Variants in BAG6 observed in about 807,000 individuals in gnomAD.
The protein encoded by BAG6 is large proline-rich protein BAG6.
Under a neutral mutation model 121.0 loss-of-function variants are expected in BAG6, and 22 were observed. That is an observed-to-expected ratio of 0.18 (90% confidence interval 0.13 to 0.26). BAG6 has a LOEUF of 0.26. BAG6 is among the 10% of genes least tolerant of loss of function. The probability of loss-of-function intolerance (pLI) is 1.00; values close to 1 mark genes in which losing one functional copy is unlikely to be tolerated. For missense variants in BAG6, 1,233 were observed against 1,537.7 expected (o/e 0.80, Z 3.31); for synonymous variants, 583 against 584.6 (o/e 1.00, Z 0.04).
chr6:31,640,323 A>G lies in BAG6; in HGVS notation c.3139-17T>C, dbSNP rs747295314. 5.6e-6 allele frequency: 9 copies of G among 1,614,162 alleles called. No individual in the cohort carries two copies. The highest frequency in any genetic ancestry group is 1.7e-6 in the Non-Finnish European group (2 of 1,180,020). On this transcript the variant is annotated splice_polypyrimidine_tract_variant and intron_variant, in intron 23 of 25. Coordinates refer to ENST00000676615, the MANE Select transcript of BAG6 (RefSeq NM_001387994.1). The surrounding 1 kb of genome is among the most constrained non-coding windows in gnomAD (Gnocchi z 4.2). ...GACCCATTCCTGGGGAGGAAAAGAGAAAATAGTAATGTCCTTGACTTTCAG... is the reference window on the plus strand; with the variant it reads ...GACCCATTCCTGGGGAGGAAAAGAGGAAATAGTAATGTCCTTGACTTTCAG...
intron 25 of BAG6, 79 bp downstream of exon 25, chr6:31,639,421 C>G: frequency 6.4e-7 from 1 of 1,554,746 alleles, no homozygotes; most frequent in Non-Finnish European, 8.7e-7. Flanking sequence ...ACCAGTTCAT[C>G]GCTGAAGGGA....
rs780216426 is a variant in BAG6, at chr6:31,647,832, G to A, written c.553-6C>T. ...GGTTGGGGCCCTCCTCGACACTGAA[G>A]GTAGGGGAGAGTCAGGATACCAAAG... is the stretch of plus-strand genomic sequence containing the variant. On this transcript the variant is annotated splice_polypyrimidine_tract_variant and splice_region_variant and intron_variant, in intron 6 of 25. Coordinates refer to ENST00000676615, the MANE Select transcript of BAG6 (RefSeq NM_001387994.1). 5.9e-6 allele frequency: 9 copies of A among 1,530,314 alleles called. No homozygotes were observed. The highest frequency in any genetic ancestry group is 7.9e-6 in the Non-Finnish European group (9 of 1,143,294). 94.8% of individuals were successfully genotyped at this position (1,530,314 alleles called of 1,614,324 possible).
intron 1 of BAG6, 175 bp downstream of exon 1, chr6:31,652,249 G>A: frequency 6.2e-6 from 1 of 162,252 alleles, no homozygotes; most frequent in Non-Finnish European, 1.4e-5. Flanking sequence ...CGACAGACCT[G>A]CTAGCTGACT....
Position 31,644,229 on chromosome 6 carries a change from T to A in BAG6, c.1556-35A>T. 1 of 1,594,074 alleles carries A rather than the reference T, an allele frequency of 6.3e-7. No homozygotes were observed. Among genetic ancestry groups the A allele is most frequent in the Non-Finnish European group, 8.5e-7 (1 of 1,170,678 alleles). ...GCAGAAGAGACAGACCGAAGAGGGC[T>A]GAGGGCCAGGCCCTTGCCAGCCAGC... On this transcript the variant is annotated intron_variant, in intron 12 of 25. Transcript: ENST00000676615. This position sits in a 1 kb window ranked among gnomAD's most constrained non-coding sequence, Gnocchi z 4.9.
chr6:31,643,125 A>G lies in BAG6; in HGVS notation c.1757-10T>C. On this transcript the variant is annotated splice_polypyrimidine_tract_variant and intron_variant, in intron 14 of 25. Transcript: ENST00000676615. ...CCTGGGGTCCCCTGAGCTGTAAGAA[A>G]CCAAAAAAAGAAAGCTGGGCTGAGC... 1 of 1,549,844 alleles carries G rather than the reference A, an allele frequency of 6.5e-7. No homozygotes were observed. Among genetic ancestry groups the G allele is most frequent in the Non-Finnish European group, 8.6e-7 (1 of 1,157,788 alleles).
chr6:31,650,220 T>C (rs777552866), intron 2 of BAG6, among the ~76,000 whole-genome samples: 9 of 150,838 alleles, frequency 6.0e-5, no homozygotes, highest in Non-Finnish European at 1.2e-4. Context: ...TCCAAGGGAG[T>C]ATGTGTCTAG....
Position 31,644,391 on chromosome 6 carries a change from A to AGG in BAG6, c.1469_1470dup (p.Ser491ProfsTer44). 6.4e-7 allele frequency: 1 copy of AGG among 1,551,896 alleles called. No individual in the cohort carries two copies. The highest frequency in any genetic ancestry group is 2.0e-5 in the Admixed American group (1 of 51,016). On this transcript the variant is annotated frameshift_variant, in exon 12 of 26. Transcript: ENST00000676615. LOFTEE classifies it high-confidence loss of function. The surrounding 1 kb of genome is among the most constrained non-coding windows in gnomAD (Gnocchi z 4.9). The stretch of plus-strand genomic sequence containing the variant: ...GCGTGCATGAACTCAGGGGGCAGGG[A>AGG]GGGCAGCTGGATGAGGGTGGAGCCT...
chr6:31,647,677 C>T lies in BAG6; in HGVS notation c.702G>A (p.Glu234=). Residue 234 remains glutamate, a synonymous_variant, in exon 7 of 26, where the codon GAG becomes GAA. Transcript: ENST00000676615. The stretch of plus-strand genomic sequence containing the variant: ...CCGGGTTCTGGGCTGGGGCACGCTC[C>T]TCCACTTCTTCTGCCTCCATGGGCT... ...PREPMEAEEV[E]ERAPAQNPEL... 1.9e-6 allele frequency: 3 copies of T among 1,604,898 alleles called. No individual in the cohort carries two copies. Among genetic ancestry groups the T allele is most frequent in the Non-Finnish European group, 2.5e-6 (3 of 1,177,066 alleles).
rs1429572407 is a variant in BAG6 at position 31,641,463 on chromosome 6, C to G, written c.2560-41G>C. On this transcript the variant is annotated intron_variant, in intron 18 of 25. Transcript: ENST00000676615. This position sits in a 1 kb window ranked among gnomAD's most constrained non-coding sequence, Gnocchi z 5.7. Reference sequence around the variant, plus strand: ...ACACAAAGATCCCAAAATCAAGAATCATAAGACTGGGAGTGGAGGAGGCAG... The same window carrying G: ...ACACAAAGATCCCAAAATCAAGAATGATAAGACTGGGAGTGGAGGAGGCAG... The G allele has an allele frequency of 6.2e-7, 1 of 1,614,114 alleles. No homozygotes were observed. The highest frequency in any genetic ancestry group is 1.1e-5 in the South Asian group (1 of 91,086).
chr6:31,645,099 A>T lies in BAG6; in HGVS notation c.1216T>A (p.Ser406Thr). 1 of 1,612,968 alleles carries T rather than the reference A, an allele frequency of 6.2e-7. No individual in the cohort carries two copies. Among genetic ancestry groups the T allele is most frequent in the Non-Finnish European group, 8.5e-7 (1 of 1,180,012 alleles). ...APPPGPGQASSVAPSSTNVES... is the reference protein window; with the variant it reads ...APPPGPGQASTVAPSSTNVES... ...ACATTGGTAGAAGACGGAGCCACGG[A>T]TGAGGCCTGCCCAGGACCAGGGGGA... is the stretch of plus-strand genomic sequence containing the variant. The change falls in exon 10 of 26, where the codon TCC becomes ACC. Residue 406 changes from serine (S) to threonine (T), a missense_variant. Coordinates refer to ENST00000676615, the MANE Select transcript of BAG6 (RefSeq NM_001387994.1).
At position 31,648,706 on chromosome 6, in the gene BAG6, C is replaced by G; in HGVS notation, c.523G>C (p.Asp175His). The G allele has an allele frequency of 6.2e-7, 1 of 1,614,090 alleles. No homozygotes were observed. The highest frequency in any genetic ancestry group is 8.5e-7 in the Non-Finnish European group (1 of 1,180,028). Residue 175 changes from aspartate (D) to histidine (H), a missense_variant, in exon 6 of 26, where the codon GAT (aspartate) becomes CAT (histidine). Physicochemically the swap from Asp to His is moderately conservative, Grantham distance 81 (BLOSUM62 -1). Transcript: ENST00000676615. Reference sequence around the variant, plus strand: ...ATCCGGGATAGTAAGGTCTGTATATCCCTGATCATGTGCTGAGCCATCACC... The same window carrying G: ...ATCCGGGATAGTAAGGTCTGTATATGCCTGATCATGTGCTGAGCCATCACC... ...RLVMAQHMIR[D>H]IQTLLSRMEC... is the part of the protein sequence containing the mutation.
rs759768900 is a variant in BAG6 at position 31,639,228 on chromosome 6, T to TA, written c.3394-3dup. 2 of 1,611,080 alleles carry TA rather than the reference T, an allele frequency of 1.2e-6. No homozygotes were observed. Among genetic ancestry groups the TA allele is most frequent in the Non-Finnish European group, 1.7e-6 (2 of 1,178,388 alleles). ...TCGTTTTTGTATATCAGACCGGAGCTAAAGAGAAAAAGTAAGCAGGTTGGA... is the reference window on the plus strand; with the variant it reads ...TCGTTTTTGTATATCAGACCGGAGCTAAAAGAGAAAAAGTAAGCAGGTTGGA... On this transcript the variant is annotated splice_region_variant and splice_polypyrimidine_tract_variant and intron_variant, in intron 25 of 25. Coordinates refer to ENST00000676615, the MANE Select transcript of BAG6 (RefSeq NM_001387994.1).
Position 31,645,207 on chromosome 6 carries a change from G to C in BAG6, c.1117-9C>G. On this transcript the variant is annotated splice_polypyrimidine_tract_variant and intron_variant, in intron 9 of 25. Coordinates refer to ENST00000676615, the MANE Select transcript of BAG6 (RefSeq NM_001387994.1). ...GTGGTTCCCACATTGATCTGAAAAA[G>C]ACAGATGGACAGGCAGATGTGAGAA... 3 of 1,605,312 alleles carry C rather than the reference G, an allele frequency of 1.9e-6. No individual in the cohort carries two copies. Among genetic ancestry groups the C allele is most frequent in the Non-Finnish European group, 2.6e-6 (3 of 1,176,200 alleles).
At position 31,641,471 on chromosome 6, in the gene BAG6, T is replaced by A. The variant is rs1158936543; in HGVS notation, c.2560-49A>T. On this transcript the variant is annotated intron_variant, in intron 18 of 25. Coordinates refer to ENST00000676615, the MANE Select transcript of BAG6 (RefSeq NM_001387994.1). The surrounding 1 kb of genome is among the most constrained non-coding windows in gnomAD (Gnocchi z 5.7). ...ATCCCAAAATCAAGAATCATAAGAC[T>A]GGGAGTGGAGGAGGCAGCTGCCTTG... The A allele has an allele frequency of 1.9e-6, 3 of 1,613,802 alleles. No individual in the cohort carries two copies. In the South Asian group the frequency reaches 3.3e-5, roughly 18 times the overall value.
chr6:31,644,821 G>A lies in BAG6; in HGVS notation c.1369+125C>T. 6.9e-7 allele frequency: 1 copy of A among 1,456,688 alleles called. No homozygotes were observed. Among genetic ancestry groups the A allele is most frequent in the Non-Finnish European group, 9.3e-7 (1 of 1,076,232 alleles). The allele number at this position is 1,456,688 out of a possible 1,614,324, so 90.2% of individuals were successfully genotyped here. On this transcript the variant is annotated intron_variant, in intron 10 of 25. Transcript: ENST00000676615. This position sits in a 1 kb window ranked among gnomAD's most constrained non-coding sequence, Gnocchi z 4.9. ...CCCACATCTGTCTACTTAAGCTTCT[G>A]CTCTGGTCCCCAGGCTACCACCACC...
chr6:31,650,934 A>C (rs760094914), intron 2 of BAG6, among the ~76,000 whole-genome samples: 2 of 152,206 alleles, frequency 1.3e-5, no homozygotes, highest in Non-Finnish European at 2.9e-5. Flanking sequence ...TTCACTCAAC[A>C]GTCTATCAAG....
At chr6:31,639,765 G>T in intron 24 of BAG6, 119 bp from the exon 25 acceptor site, 1 of 1,243,230 alleles carries the variant, frequency 8.0e-7, no homozygotes, top group Non-Finnish European at 1.1e-6. Context: ...TGGAGAGAGG[G>T]GAAATTAAGA....
In BAG6 at chr6:31,647,792, G is replaced by A. The variant is rs762045396; in HGVS notation, c.587C>T (p.Pro196Leu). The A allele has an allele frequency of 2.0e-5, 31 of 1,577,394 alleles. No homozygotes were observed. Among genetic ancestry groups the A allele is most frequent in the Middle Eastern group, 1.7e-4 (1 of 5,914 alleles). ...GGTCACAGCCGGTGGCTGCGGGGGCGGCTGACTGTGCTGCGGTTGGGGCCC... is the reference window on the plus strand; with the variant it reads ...GGTCACAGCCGGTGGCTGCGGGGGCAGCTGACTGTGCTGCGGTTGGGGCCC... ...RGGPQPQHSQ[P>L]PPQPPAVTPE... The change falls in exon 7 of 26, where the codon CCG (proline) becomes CTG (leucine). Residue 196 changes from proline (P) to leucine (L), a missense_variant. Transcript: ENST00000676615.
At position 31,641,824 on chromosome 6, in the gene BAG6, G is replaced by A; in HGVS notation, c.2457C>T (p.Phe819=). 1 of 1,613,130 alleles carries A rather than the reference G, an allele frequency of 6.2e-7. No homozygotes were observed. The highest frequency in any genetic ancestry group is 8.5e-7 in the Non-Finnish European group (1 of 1,180,042). ...QRLQPQLRSF[F]HQHYLGGQEP... ...CCTGACCACCCAGGTAGTGCTGGTG[G>A]AAGAAGGATCGCAGCTGGGGCTGGA... The change falls in exon 17 of 26, where the codon TTC becomes TTT. Residue 819 remains phenylalanine, a synonymous_variant. Coordinates refer to ENST00000676615, the MANE Select transcript of BAG6 (RefSeq NM_001387994.1). The surrounding 1 kb of genome is among the most constrained non-coding windows in gnomAD (Gnocchi z 5.7).
Sources: gnomAD v4.1 joint callset for allele counts (sites outside exome capture counted in the v4.1 genomes callset) on GRCh38, gnomAD v4.1.1 for gene constraint, Gnocchi (gnomAD v3.1) non-coding constraint, MANE v1.5 for transcripts, NCBI Gene and HGNC (gene_info 2026-07-23, HGNC 2026-07-21) for gene names.